The following TANC2 variants were observed in gnomAD, a reference collection of about 807,000 sequenced individuals.
TANC2 encodes the protein tetratricopeptide repeat, ankyrin repeat and coiled-coil containing 2.
TANC2 carries 26 observed loss-of-function variants against 210.5 expected under a neutral mutation model. The observed-to-expected ratio is 0.12, with a 90% confidence interval of 0.09 to 0.17. The LOEUF (loss-of-function observed/expected upper bound fraction) is 0.17, where lower values mean the gene tolerates loss of function less well. Ranked by LOEUF, TANC2 falls within the 10% of genes least tolerant of loss-of-function variation. The pLI is 1.00. For synonymous variants in TANC2, 931 were observed against 967.1 expected, an observed-to-expected ratio of 0.96 and a Z score of 0.69; for missense variants, 2,129 against 2,608.9, an observed-to-expected ratio of 0.82 and a Z score of 4.01.
At chr17:63,198,501 C>CT (rs2041421402) in intron 6 of TANC2, among the ~76,000 whole-genome samples, 1 of 151,990 alleles carries the variant, frequency 6.6e-6, no homozygotes, top group South Asian at 2.1e-4. Context: ...GGGCCTAAAA[C>CT]TTTTGCAATA....
At chr17:63,000,979 A>C (rs921342455) in intron 1 of TANC2, among the ~76,000 whole-genome samples, 2 of 151,686 alleles carry the variant, frequency 1.3e-5, no homozygotes, top group Non-Finnish European at 2.9e-5. Flanking sequence ...AAAAAAAAAA[A>C]AAAAAAACCC....
At position 63,110,184 on chromosome 17, in the gene TANC2, TA is replaced by T. The variant is rs553106963; in HGVS notation, c.322+10828del. Among the ~76,000 whole-genome samples the T allele has an allele frequency of 1.4e-4, 21 of 151,776 alleles. No individual in the cohort carries two copies. In the South Asian group the frequency reaches 4.4e-3, roughly 32 times the overall value. ...CACATTTTGACATCCTTTAGTCCTG[TA>T]GTTCTGTGAAGTTCCTGCATGGCTT... is the stretch of plus-strand genomic sequence containing the variant. On this transcript the variant is annotated intron_variant, in intron 4 of 27. Coordinates refer to ENST00000689528, the Ensembl canonical transcript of TANC2.
chr17:63,387,048 C>T (rs1488777778), intron 15 of TANC2, among the ~76,000 whole-genome samples: 1 of 151,978 alleles, frequency 6.6e-6, no homozygotes, highest in Non-Finnish European at 1.5e-5. Context: ...AAGATGTAGT[C>T]TCCCTACATT....
At chr17:63,315,356 A>G (rs1173516484) in intron 10 of TANC2, among the ~76,000 whole-genome samples, 1 of 152,186 alleles carries the variant, frequency 6.6e-6, no homozygotes, top group African/African-American at 2.4e-5. Context: ...CAGGTAAGTA[A>G]TCTGAGGCCC....
intron 9 of TANC2, among the ~76,000 whole-genome samples, chr17:63,284,724 G>A (rs2146373044): frequency 6.6e-6 from 1 of 151,910 alleles, no homozygotes; most frequent in Admixed American, 6.6e-5. Flanking sequence ...CTATTTTACA[G>A]TAGACACTTC....
chr17:63,096,539 C>T (rs550484798), intron 3 of TANC2, among the ~76,000 whole-genome samples: 7 of 152,140 alleles, frequency 4.6e-5, no homozygotes, highest in Non-Finnish European at 8.8e-5. Flanking sequence ...CCACTTAGTA[C>T]GTTTTCAAGG....
chr17:62,989,187 C>T (rs1159770304), intron 1 of TANC2, among the ~76,000 whole-genome samples: 3 of 152,090 alleles, frequency 2.0e-5, no homozygotes, highest in Non-Finnish European at 4.4e-5. Context: ...GCTTGTTAAC[C>T]TTTTAAAAAA....
At chr17:63,038,277 A>G (rs561655787) in intron 2 of TANC2, among the ~76,000 whole-genome samples, 1 of 152,334 alleles carries the variant, frequency 6.6e-6, no homozygotes, top group East Asian at 1.9e-4. Flanking sequence ...TAATAAGATC[A>G]TATGAGTTTT....
chr17:63,117,229 C>T (rs181598696), intron 4 of TANC2: 87 of 152,340 alleles, frequency 5.7e-4, no homozygotes, highest in African/African-American at 2.1e-3. Context: ...GAATCATTCA[C>T]TCTGTTAACG....
intron 1 of TANC2, among the ~76,000 whole-genome samples, chr17:62,971,817 A>G (rs1411484550): frequency 6.6e-6 from 1 of 152,194 alleles, no homozygotes; most frequent in East Asian, 1.9e-4. Context: ...ACTGCTCATG[A>G]GAGGGATCCG....
chr17:63,150,133 CTT>C (rs922051674), intron 4 of TANC2: 1 of 152,064 alleles, frequency 6.6e-6, no homozygotes, highest in African/African-American at 2.4e-5. Flanking sequence ...CGTAGAATCT[CTT>C]GTGGGTCAGT....
chr17:63,427,427 T>C (rs565301418), exon 28 of TANC2: 7 of 152,364 alleles, frequency 4.6e-5, no homozygotes, highest in African/African-American at 1.7e-4. Context: ...TTGTTCTCTC[T>C]CCTGATATAT....
intron 9 of TANC2, among the ~76,000 whole-genome samples, chr17:63,294,424 T>C (rs1340024028): frequency 6.6e-6 from 1 of 151,960 alleles, no homozygotes; most frequent in African/African-American, 2.4e-5. Flanking sequence ...CAGTGGGCTG[T>C]GATCACACCA....
chr17:63,399,892 T>A (rs562089418), intron 19 of TANC2, among the ~76,000 whole-genome samples: 1 of 152,188 alleles, frequency 6.6e-6, no homozygotes, highest in African/African-American at 2.4e-5. Flanking sequence ...GGAATTTGCT[T>A]CTCGAATAAT....
chr17:62,992,467 AG>A (rs1168650853), intron 1 of TANC2, among the ~76,000 whole-genome samples: 1 of 152,222 alleles, frequency 6.6e-6, no homozygotes, highest in Non-Finnish European at 1.5e-5. Context: ...TGTCATAATG[AG>A]TATACTATTA....
At chr17:63,335,301 C>T (rs190796669) in intron 11 of TANC2, among the ~76,000 whole-genome samples, 2 of 152,178 alleles carry the variant, frequency 1.3e-5, no homozygotes, top group Non-Finnish European at 2.9e-5. Flanking sequence ...AACAAAATAA[C>T]TGATCAGTAC....
chr17:63,098,431 TACACACACACACACACACACACAC>T (rs67245738), intron 3 of TANC2, among the ~76,000 whole-genome samples: 1 of 93,318 alleles, frequency 1.1e-5, no homozygotes, highest in Non-Finnish European at 2.0e-5. Context: ...GGCCTTAGAC[TACACACACACACACACACACACAC>T]ACACACACAC....
Position 63,393,770 on chromosome 17 carries a change from A to AT in TANC2, c.3052-1971dup, listed in dbSNP as rs1223342369. ...TGCTGCAGTAAGTATTATTATTATT[A>AT]TTATTATTTTTTTTTTTTGAGAGGA... On this transcript the variant is annotated intron_variant, in intron 17 of 27. Coordinates refer to ENST00000689528, the Ensembl canonical transcript of TANC2. Among the ~76,000 whole-genome samples, 113 of 127,294 alleles carry AT rather than the reference A, an allele frequency of 8.9e-4. 1 individual carries two copies. Among genetic ancestry groups the AT allele is most frequent in the African/African-American group, 2.7e-3 (95 of 35,514 alleles). 83.5% of individuals were successfully genotyped at this position (127,294 alleles called of 152,430 possible).
In TANC2 at chr17:62,969,301, A is replaced by G. The variant is rs375835354; in HGVS notation, c.-24+2552A>G. On this transcript the variant is annotated intron_variant, in intron 1 of 27. Coordinates refer to ENST00000689528, the Ensembl canonical transcript of TANC2. ...ACAGAGAGGTTAAATAACTTGCCCA[A>G]TACTATATAGCTGAGAAGTAGAAGA... 1.4e-4 allele frequency among the ~76,000 whole-genome samples: 22 copies of G among 152,352 alleles called. No individual in the cohort carries two copies. The East Asian group carries it at 4.2e-3, about 29-fold the overall frequency.
Sources: gnomAD v4.1 joint callset for allele counts (sites outside exome capture counted in the v4.1 genomes callset) on GRCh38, gnomAD v4.1.1 for gene constraint, MANE v1.5 for transcripts, NCBI Gene and HGNC (gene_info 2026-07-23, HGNC 2026-07-21) for gene names.